R3HDM2: variants seen among roughly 807,000 people sequenced by gnomAD.
R3HDM2 encodes the protein R3H domain containing 2, also known as R3H domain-containing protein 2.
A neutral mutation model predicts 124.5 loss-of-function variants in R3HDM2; 38 were observed. That is an observed-to-expected ratio of 0.31 (90% CI 0.24 to 0.40). R3HDM2 has a LOEUF of 0.40. Among genes scored for constraint, R3HDM2 ranks in the 10% least tolerant of loss-of-function variants. The pLI, the probability that R3HDM2 is intolerant of heterozygous loss-of-function variation, is 1.00. For synonymous variants in R3HDM2, 391 were observed against 448.0 expected, an observed-to-expected ratio of 0.87 and a Z score of 1.61; for missense variants, 869 against 1,236.9, an observed-to-expected ratio of 0.70 and a Z score of 4.46.
intron 2 of R3HDM2, among the ~76,000 whole-genome samples, chr12:57,373,383 C>G (rs1335844434): frequency 6.6e-6 from 1 of 151,980 alleles, no homozygotes; most frequent in Non-Finnish European, 1.5e-5. Flanking sequence ...GCCTGTAGTA[C>G]CAGCTACTAA....
At chr12:57,269,620 G>A in intron 15 of R3HDM2, 132 bp downstream of exon 15, 1 of 1,466,998 alleles carries the variant, frequency 6.8e-7, no homozygotes, top group Non-Finnish European at 9.2e-7. Flanking sequence ...AAGACTTTCT[G>A]GCTAGAACAA....
chr12:57,316,276 G>A (rs1002287443), intron 2 of R3HDM2, among the ~76,000 whole-genome samples: 1 of 152,172 alleles, frequency 6.6e-6, no homozygotes, highest in African/African-American at 2.4e-5. Context: ...GCCTTCCCCT[G>A]AGAATACATG....
intron 2 of R3HDM2, among the ~76,000 whole-genome samples, chr12:57,386,672 G>T (rs974130466): frequency 6.6e-6 from 1 of 152,226 alleles, no homozygotes; most frequent in Non-Finnish European, 1.5e-5. Flanking sequence ...TGCAGGACTC[G>T]CAGGCAGCTC....
intron 2 of R3HDM2, among the ~76,000 whole-genome samples, chr12:57,391,066 C>A (rs908054095): frequency 4.6e-5 from 7 of 151,514 alleles, no homozygotes; most frequent in Admixed American, 2.0e-4. Context: ...TACCATACCC[C>A]CAGCAATTAG....
At chr12:57,286,954 C>T (rs1592762564) in intron 12 of R3HDM2, among the ~76,000 whole-genome samples, 1 of 152,074 alleles carries the variant, frequency 6.6e-6, no homozygotes, top group Non-Finnish European at 1.5e-5. Flanking sequence ...ATTATCTGCA[C>T]AGTTTGATGT....
intron 19 of R3HDM2, among the ~76,000 whole-genome samples, chr12:57,259,492 T>C (rs2040109538): frequency 6.6e-6 from 1 of 152,236 alleles, no homozygotes; most frequent in Non-Finnish European, 1.5e-5. Context: ...GACCTCTGGT[T>C]GTTCTGGAGA....
intron 3 of R3HDM2, among the ~76,000 whole-genome samples, chr12:57,305,892 T>C (rs1009136973): frequency 3.3e-5 from 5 of 152,252 alleles, no homozygotes; most frequent in African/African-American, 9.6e-5. Context: ...TCGTAGTACT[T>C]ATAGTTCTGT....
chr12:57,363,093 A>G (rs917195939), intron 2 of R3HDM2, among the ~76,000 whole-genome samples: 14 of 152,122 alleles, frequency 9.2e-5, no homozygotes, highest in Non-Finnish European at 4.4e-5. Flanking sequence ...AAAGTGCTGG[A>G]ATTACAGGCA....
At chr12:57,287,780 A>G (rs2047674246) in intron 12 of R3HDM2, among the ~76,000 whole-genome samples, 1 of 152,212 alleles carries the variant, frequency 6.6e-6, no homozygotes, top group South Asian at 2.1e-4. Flanking sequence ...ACTTAAAATG[A>G]GTTGGTAACA....
At chr12:57,385,745 A>T (rs980567685) in intron 2 of R3HDM2, among the ~76,000 whole-genome samples, 1 of 151,878 alleles carries the variant, frequency 6.6e-6, no homozygotes, top group African/African-American at 2.4e-5. Context: ...TGACTGGGAG[A>T]GAAGACATCT....
chr12:57,322,151 G>T (rs2056560330), intron 2 of R3HDM2, among the ~76,000 whole-genome samples: 3 of 152,208 alleles, frequency 2.0e-5, no homozygotes, highest in Admixed American at 2.0e-4. Context: ...TGGAGGCGGA[G>T]GTTGCAGTGA....
In R3HDM2 at chr12:57,255,032, G is replaced by A. The variant is rs2038493948; in HGVS notation, c.2714C>T (p.Ala905Val). 1 of 1,613,838 alleles carries A rather than the reference G, an allele frequency of 6.2e-7. No homozygotes were observed. Among genetic ancestry groups the A allele is most frequent in the South Asian group, 1.1e-5 (1 of 91,076 alleles). The change falls in exon 24 of 24, where the codon GCC becomes GTC. Residue 905 changes from alanine (A) to valine (V), a missense_variant. By Grantham distance (64) the Ala-to-Val change is moderately conservative. Transcript: ENST00000402412. ...TEADKLFTQL[A>V]MSGAKIQWLK... The stretch of plus-strand genomic sequence containing the variant: ...CCACTGGATCTTGGCGCCAGACATG[G>A]CGAGCTGCGTGAAGAGTTTGTCCGC...
At chr12:57,390,907 G>A (rs2066573603) in intron 2 of R3HDM2, among the ~76,000 whole-genome samples, 1 of 151,724 alleles carries the variant, frequency 6.6e-6, no homozygotes, top group African/African-American at 2.4e-5. Context: ...AGCTTTTCAG[G>A]AGCCTGAGAC....
At position 57,254,974 on chromosome 12, in the gene R3HDM2, A is replaced by G. The variant is rs774698063; in HGVS notation, c.2772T>C (p.Gly924=). ...CAGCAGTCCCACTGTTGTCCCCCCC[A>G]CCCCCTCCAGGCAGCCCCTGAGCAT... ...LKDAQGLPGG[G]GGDNSGTAEN... Residue 924 remains glycine (G), a synonymous_variant, in exon 24 of 24, where the codon GGT becomes GGC. Coordinates refer to ENST00000402412, the MANE Select transcript of R3HDM2 (RefSeq NM_001394031.1). 1 of 1,345,874 alleles carries G rather than the reference A, an allele frequency of 7.4e-7. No homozygotes were observed. 83.4% of individuals were successfully genotyped at this position (1,345,874 alleles called of 1,614,324 possible).
In R3HDM2 at chr12:57,419,767, A is replaced by G. The variant is rs962474991; in HGVS notation, c.-106+10953T>C. On this transcript the variant is annotated intron_variant, in intron 1 of 23. Transcript: ENST00000402412. ...TCATACCATATTCTTTAATACCTCT[A>G]GGTCTTTGCCCAGGCTATTGTATCT... Among the ~76,000 whole-genome samples the G allele has an allele frequency of 2.2e-4, 34 of 151,928 alleles. 2 individuals are homozygous for G. The highest frequency in any genetic ancestry group is 1.5e-5 in the Non-Finnish European group (1 of 67,992).
Position 57,255,121 on chromosome 12 carries a change from G to T in R3HDM2, c.2633-8C>A. ...CCAGCACCCGCCCCAGGACTGGAAGGGGAGGAGAGAGGACATGGTTGTGAG... is the reference window on the plus strand; with the variant it reads ...CCAGCACCCGCCCCAGGACTGGAAGTGGAGGAGAGAGGACATGGTTGTGAG... On this transcript the variant is annotated splice_polypyrimidine_tract_variant and splice_region_variant and intron_variant, in intron 23 of 23. Transcript: ENST00000402412. 1 of 1,569,280 alleles carries T rather than the reference G, an allele frequency of 6.4e-7. No individual in the cohort carries two copies. Among genetic ancestry groups the T allele is most frequent in the Non-Finnish European group, 8.6e-7 (1 of 1,156,648 alleles).
intron 2 of R3HDM2, among the ~76,000 whole-genome samples, chr12:57,383,601 G>A (rs1040802960): frequency 2.0e-5 from 3 of 152,142 alleles, no homozygotes; most frequent in African/African-American, 4.8e-5. Flanking sequence ...CCAGCTGCTC[G>A]GGAGGCTGAG....
chr12:57,267,425 C>T (rs766237483), intron 18 of R3HDM2, among the ~76,000 whole-genome samples: 2 of 152,094 alleles, frequency 1.3e-5, no homozygotes, highest in Non-Finnish European at 2.9e-5. Context: ...CATGGTGGCG[C>T]ACACCTGTAG....
intron 1 of R3HDM2, among the ~76,000 whole-genome samples, chr12:57,399,170 G>A (rs1301810911): frequency 2.6e-5 from 4 of 152,144 alleles, no homozygotes; most frequent in African/African-American, 9.6e-5. Context: ...TTGGGAGGCC[G>A]AGGTGGGTGG....
Sources: allele counts gnomAD v4.1 joint callset (sites outside exome capture counted in the v4.1 genomes callset), GRCh38; gene constraint gnomAD v4.1.1; transcripts MANE v1.5; gene names NCBI Gene and HGNC (gene_info 2026-07-23, HGNC 2026-07-21).